The following ANKRD45 variants were observed in gnomAD, a reference collection of about 807,000 sequenced individuals.
ANKRD45 encodes the protein ankyrin repeat domain 45.
In ANKRD45, 21 loss-of-function variants were observed where a neutral mutation model predicts 28.1. That is an observed-to-expected ratio of 0.75 (90% CI 0.53 to 1.08). ANKRD45 has a LOEUF of 1.08. ANKRD45 is among the 50% of genes least tolerant of loss of function. ANKRD45 has a pLI of 0.00. For missense variants in ANKRD45, 261 were observed against 308.7 expected, an observed-to-expected ratio of 0.85 and a Z score of 1.16; for synonymous variants, 86 against 103.9, an observed-to-expected ratio of 0.83 and a Z score of 1.05.
chr1:173,677,106 C>A, the ANKRD45 span, among the ~76,000 whole-genome samples: 10 of 151,388 alleles, frequency 6.6e-5, no homozygotes, highest in East Asian at 1.9e-3. Flanking sequence ...CTTTAAAACA[C>A]TTGATATTAC....
At chr1:173,693,294 CA>C in the ANKRD45 span, among the ~76,000 whole-genome samples, 52 of 141,582 alleles carry the variant, frequency 3.7e-4, no homozygotes, top group East Asian at 6.1e-4. Flanking sequence ...GACTCCACCT[CA>C]AAAAAAAAAA....
the ANKRD45 span, among the ~76,000 whole-genome samples, chr1:173,698,890 T>G: frequency 6.6e-6 from 1 of 151,794 alleles, no homozygotes; most frequent in African/African-American, 2.4e-5. Flanking sequence ...GAGCTGTTTT[T>G]TTTTTAAAGA....
At chr1:173,632,563 AC>A (rs963880541) in intron 3 of ANKRD45, among the ~76,000 whole-genome samples, 34 of 151,730 alleles carry the variant, frequency 2.2e-4, no homozygotes, top group South Asian at 4.2e-4. Flanking sequence ...CCCCAAAACT[AC>A]AAGCCAATCT....
At chr1:173,618,219 C>G (rs1378862329) in intron 5 of ANKRD45, among the ~76,000 whole-genome samples, 2 of 152,158 alleles carry the variant, frequency 1.3e-5, no homozygotes, top group African/African-American at 2.4e-5. Context: ...GCTGAAAACT[C>G]AAAAAGCCCA....
chr1:173,669,324 CAGGCGACGCAGCCTG>C (rs963856976), intron 1 of ANKRD45: 1 of 413,172 alleles, frequency 2.4e-6, no homozygotes, highest in Admixed American at 3.0e-5. Context: ...GGCAAGGAGG[CAGGCGACGCAGCCTG>C]AAGTTGTGAT....
intron 2 of ANKRD45, among the ~76,000 whole-genome samples, chr1:173,656,783 T>C (rs1391968968): frequency 6.6e-6 from 1 of 152,056 alleles, no homozygotes; most frequent in African/African-American, 2.4e-5. Flanking sequence ...CTTAGTCTTA[T>C]TTCTGATTAT....
intron 4 of ANKRD45, 34 bp from the exon 5 acceptor site, chr1:173,624,959 T>G: frequency 6.3e-7 from 1 of 1,582,656 alleles, no homozygotes; most frequent in Non-Finnish European, 8.6e-7. Context: ...GCTCTCCACT[T>G]ATTTATTGAA....
At chr1:173,688,504 CTGCCTCTTCCTCTT>C in the ANKRD45 span, among the ~76,000 whole-genome samples, 75 of 148,336 alleles carry the variant, frequency 5.1e-4, no homozygotes, top group South Asian at 4.3e-4. Context: ...CTTCCTCTCT[CTGCCTCTTCCTCTT>C]TGCCTCTTCC....
chr1:173,635,769 T>C (rs975951545), intron 3 of ANKRD45: 3 of 1,535,460 alleles, frequency 2.0e-6, no homozygotes, highest in Non-Finnish European at 2.6e-6. Context: ...TATAATTTAT[T>C]ACAAGCTGTC....
intron 3 of ANKRD45, among the ~76,000 whole-genome samples, chr1:173,632,962 C>T (rs568831794): frequency 2.0e-5 from 3 of 151,848 alleles, no homozygotes; most frequent in Non-Finnish European, 4.4e-5. Flanking sequence ...CCCACTTTCA[C>T]CACTGTTATT....
At chr1:173,703,926 T>C in the ANKRD45 span, among the ~76,000 whole-genome samples, 32 of 152,240 alleles carry the variant, frequency 2.1e-4, no homozygotes, top group African/African-American at 7.2e-4. Context: ...TGCAAGAAAA[T>C]AGATTTCAGT....
the ANKRD45 span, among the ~76,000 whole-genome samples, chr1:173,681,468 C>T: frequency 6.6e-6 from 1 of 151,836 alleles, no homozygotes. Flanking sequence ...TTTCTTAAGC[C>T]GATTAGAGCT....
At chr1:173,707,708 C>A in the ANKRD45 span, among the ~76,000 whole-genome samples, 3 of 152,162 alleles carry the variant, frequency 2.0e-5, no homozygotes, top group Non-Finnish European at 4.4e-5. Context: ...CTTAAGCTTT[C>A]AAATACATTT....
chr1:173,642,624 T>A (rs1277600988), intron 3 of ANKRD45, among the ~76,000 whole-genome samples: 1 of 152,236 alleles, frequency 6.6e-6, no homozygotes, highest in African/African-American at 2.4e-5. Flanking sequence ...TAGCTCCACA[T>A]TTTAGCCTAG....
At chr1:173,646,454 T>C (rs957457079) in intron 3 of ANKRD45, among the ~76,000 whole-genome samples, 1 of 152,230 alleles carries the variant, frequency 6.6e-6, no homozygotes, top group African/African-American at 2.4e-5. Flanking sequence ...CCTTTTATAT[T>C]TGAGGAATCA....
chr1:173,625,423 A>C (rs1397522684), intron 4 of ANKRD45, among the ~76,000 whole-genome samples: 5 of 152,208 alleles, frequency 3.3e-5, no homozygotes, highest in Non-Finnish European at 7.4e-5. Context: ...GGTTCACAGA[A>C]GGAGGAAGTT....
rs1309453254 is a variant in ANKRD45, at chr1:173,613,809, C to T, written c.731-3594G>A. Among the ~76,000 whole-genome samples the T allele has an allele frequency of 7.2e-5, 11 of 152,140 alleles. No homozygotes were observed. The East Asian group carries it at 9.7e-4, about 13-fold the overall frequency. On this transcript the variant is annotated intron_variant, in intron 5 of 5. Transcript: ENST00000333279. ...TGAGAATGGGCCATGATGACGATGG[C>T]GGTTTTGTGGAATAGAAAAGGGGGA...
At chr1:173,710,592 G>A in the ANKRD45 span, among the ~76,000 whole-genome samples, 9 of 152,086 alleles carry the variant, frequency 5.9e-5, no homozygotes, top group African/African-American at 1.4e-4. Context: ...CACTTGAGGC[G>A]TTCTTCCCAT....
the ANKRD45 span, among the ~76,000 whole-genome samples, chr1:173,676,185 A>T: frequency 6.6e-6 from 1 of 152,244 alleles, no homozygotes; most frequent in Non-Finnish European, 1.5e-5. Flanking sequence ...TGGTAAAATA[A>T]CCAGTTTCTC....
Sources: gnomAD v4.1 joint callset for allele counts (sites outside exome capture counted in the v4.1 genomes callset) on GRCh38, gnomAD v4.1.1 for gene constraint, MANE v1.5 for transcripts, NCBI Gene and HGNC (gene_info 2026-07-23, HGNC 2026-07-21) for gene names.